Variants in STMN2 observed in about 807,000 individuals in gnomAD.
The protein encoded by STMN2 is stathmin 2, also known as stathmin-2.
STMN2 carries 2 observed loss-of-function variants against 24.1 expected under a neutral mutation model. The ratio of observed to expected loss-of-function variants is 0.08; its 90% CI spans 0.03 to 0.26. The LOEUF (loss-of-function observed/expected upper bound fraction) is 0.26. STMN2 is among the 10% of genes least tolerant of loss of function. The pLI is 1.00. For synonymous variants in STMN2, 83 were observed against 77.5 expected, an observed-to-expected ratio of 1.07 and a Z score of -0.37; for missense variants, 114 against 213.6, an observed-to-expected ratio of 0.53 and a Z score of 2.91.
At chr8:79,635,435 A>G (rs1445251400) in intron 1 of STMN2, among the ~76,000 whole-genome samples, 3 of 152,252 alleles carry the variant, frequency 2.0e-5, no homozygotes, top group Non-Finnish European at 2.9e-5. Flanking sequence ...AAATCATTCT[A>G]TTAAAAAGAC....
intron 4 of STMN2, among the ~76,000 whole-genome samples, chr8:79,656,076 C>T (rs1457253101): frequency 1.3e-5 from 2 of 152,166 alleles, no homozygotes; most frequent in African/African-American, 4.8e-5. Flanking sequence ...AAAACCTTAT[C>T]CTGAAGTTCT....
chr8:79,629,210 C>A (rs1020704919), intron 1 of STMN2, among the ~76,000 whole-genome samples: 8 of 152,136 alleles, frequency 5.3e-5, no homozygotes, highest in African/African-American at 1.9e-4. Context: ...AAAATAAAAT[C>A]ACTGCAACAT....
At chr8:79,653,845 A>T (rs1032469400) in intron 3 of STMN2, among the ~76,000 whole-genome samples, 1 of 152,194 alleles carries the variant, frequency 6.6e-6, no homozygotes, top group Non-Finnish European at 1.5e-5. Flanking sequence ...TTAGTCTTAA[A>T]CCTAAATAGG....
intron 3 of STMN2, among the ~76,000 whole-genome samples, chr8:79,651,223 G>A (rs1262788977): frequency 6.6e-6 from 1 of 152,220 alleles, no homozygotes; most frequent in Non-Finnish European, 1.5e-5. Context: ...GTCTCTGTGA[G>A]TTAGCAGCAG....
Position 79,665,233 on chromosome 8 carries a change from C to T in STMN2, c.*359C>T. On this transcript the variant is annotated 3_prime_UTR_variant, in exon 5 of 5. Coordinates refer to ENST00000220876, the MANE Select transcript of STMN2 (RefSeq NM_007029.4). Reference sequence around the variant, plus strand: ...GCTAGGTCTGTTCTTTTTGAAGCTCCCCATGTCTAACTCCATTCCAAAAGA... The same window carrying T: ...GCTAGGTCTGTTCTTTTTGAAGCTCTCCATGTCTAACTCCATTCCAAAAGA... 5.8e-6 allele frequency: 1 copy of T among 172,996 alleles called. No individual in the cohort carries two copies. Among genetic ancestry groups the T allele is most frequent in the South Asian group, 1.3e-4 (1 of 7,888 alleles). 10.7% of individuals were successfully genotyped at this position (172,996 alleles called of 1,614,324 possible).
At chr8:79,657,181 A>G (rs1309265569) in intron 4 of STMN2, among the ~76,000 whole-genome samples, 1 of 152,180 alleles carries the variant, frequency 6.6e-6, no homozygotes, top group Non-Finnish European at 1.5e-5. Flanking sequence ...GCCAGGGCAT[A>G]TCCTTCTTGA....
At chr8:79,633,171 G>A (rs1248818723) in intron 1 of STMN2, among the ~76,000 whole-genome samples, 1 of 152,182 alleles carries the variant, frequency 6.6e-6, no homozygotes, top group Admixed American at 6.5e-5. Flanking sequence ...TTCTTCACAG[G>A]AGAGTGTGCC....
chr8:79,620,138 A>G (rs968035267), intron 1 of STMN2, among the ~76,000 whole-genome samples: 1 of 148,752 alleles, frequency 6.7e-6, no homozygotes, highest in African/African-American at 2.4e-5. Flanking sequence ...CCTCAGAGGC[A>G]GACTCGGAAC....
chr8:79,612,808 T>G (rs983153158), intron 1 of STMN2, among the ~76,000 whole-genome samples: 4 of 151,886 alleles, frequency 2.6e-5, no homozygotes, highest in Non-Finnish European at 5.9e-5. Flanking sequence ...CGGGGAGACC[T>G]CAGGCTCCGA....
intron 3 of STMN2, among the ~76,000 whole-genome samples, chr8:79,648,598 G>C (rs2130373929): frequency 6.6e-6 from 1 of 151,802 alleles, no homozygotes; most frequent in East Asian, 1.9e-4. Flanking sequence ...AAGTAGCTGG[G>C]ATTATAGGCA....
At chr8:79,621,130 C>A (rs746441369) in intron 1 of STMN2, among the ~76,000 whole-genome samples, 12 of 151,842 alleles carry the variant, frequency 7.9e-5, no homozygotes, top group Non-Finnish European at 1.8e-4. Flanking sequence ...AGAAGGGATT[C>A]TGAGTTTCAG....
intron 1 of STMN2, chr8:79,621,073 T>G: frequency 2.1e-5 from 20 of 966,072 alleles, no homozygotes; most frequent in Non-Finnish European, 2.5e-5. Context: ...CCATCAGCTC[T>G]GCCCTTCTCC....
chr8:79,628,107 G>C (rs1024228961), intron 1 of STMN2, among the ~76,000 whole-genome samples: 33 of 151,992 alleles, frequency 2.2e-4, no homozygotes, highest in Admixed American at 2.1e-3. Flanking sequence ...ACTTTGATGG[G>C]ATATATACCC....
intron 2 of STMN2, among the ~76,000 whole-genome samples, chr8:79,637,198 G>A (rs1809984244): frequency 6.6e-6 from 1 of 152,150 alleles, no homozygotes; most frequent in Non-Finnish European, 1.5e-5. Flanking sequence ...TAATTTAATA[G>A]GCTAAGCCAT....
At chr8:79,613,874 C>T in intron 1 of STMN2, 1 of 975,074 alleles carries the variant, frequency 1.0e-6, no homozygotes, top group Non-Finnish European at 1.2e-6. Context: ...TTGCTAAGAG[C>T]AGGGTTTGTG....
At chr8:79,642,354 T>C (rs1377506101) in intron 3 of STMN2, among the ~76,000 whole-genome samples, 6 of 152,190 alleles carry the variant, frequency 3.9e-5, no homozygotes, top group African/African-American at 1.4e-4. Context: ...TGTTTGAATG[T>C]GTCTGTTCCA....
intron 1 of STMN2, chr8:79,613,603 TATC>T: frequency 1.0e-6 from 1 of 985,490 alleles, no homozygotes; most frequent in Non-Finnish European, 1.2e-6. Context: ...TCAGTATTAT[TATC>T]ATTTCAAATC....
intron 4 of STMN2, among the ~76,000 whole-genome samples, chr8:79,660,587 A>C (rs1314566595): frequency 6.6e-6 from 1 of 152,206 alleles, no homozygotes; most frequent in East Asian, 1.9e-4. Context: ...TAAAATGATA[A>C]AAATATTTTC....
At chr8:79,620,712 T>C (rs912844004) in intron 1 of STMN2, among the ~76,000 whole-genome samples, 1 of 152,050 alleles carries the variant, frequency 6.6e-6, no homozygotes, top group Non-Finnish European at 1.5e-5. Context: ...AGTACCAAGA[T>C]CCACCAAAAG....
Sources: gnomAD v4.1 joint callset for allele counts (sites outside exome capture counted in the v4.1 genomes callset) on GRCh38, gnomAD v4.1.1 for gene constraint, MANE v1.5 for transcripts, NCBI Gene and HGNC (gene_info 2026-07-23, HGNC 2026-07-21) for gene names.